Variants in SLC25A21 observed in about 807,000 individuals in gnomAD.
SLC25A21 encodes solute carrier family 25 member 21, also known as mitochondrial 2-oxodicarboxylate carrier.
SLC25A21 carries 47 observed loss-of-function variants against 43.8 expected under a neutral mutation model. The ratio of observed to expected loss-of-function variants is 1.07; its 90% CI spans 0.85 to 1.37. The LOEUF (loss-of-function observed/expected upper bound fraction) is 1.37. Ranked by LOEUF, SLC25A21 falls within the 40% of genes most tolerant of loss-of-function variation. The pLI is 0.00. For synonymous variants in SLC25A21, 131 were observed against 121.3 expected, an observed-to-expected ratio of 1.08 and a Z score of -0.52; for missense variants, 352 against 350.2, an observed-to-expected ratio of 1.00 and a Z score of -0.04.
intron 1 of SLC25A21, among the ~76,000 whole-genome samples, chr14:36,951,327 TAGAAAG>T (rs975470332): frequency 6.6e-5 from 10 of 150,848 alleles, no homozygotes; most frequent in Middle Eastern, 3.5e-3. Flanking sequence ...TACCTTAAAA[TAGAAAG>T]AGAATGTTAA....
intron 1 of SLC25A21, among the ~76,000 whole-genome samples, chr14:37,130,084 C>CTA (rs1963366882): frequency 4.7e-5 from 1 of 21,198 alleles, no homozygotes; most frequent in East Asian, 1.2e-3. Flanking sequence ...GACCCTGTCT[C>CTA]TACAAAAAAA....
At chr14:36,844,917 G>A (rs978552165) in intron 2 of SLC25A21, among the ~76,000 whole-genome samples, 4 of 152,318 alleles carry the variant, frequency 2.6e-5, no homozygotes, top group African/African-American at 4.8e-5. Context: ...CTCAAGCTGC[G>A]TGGGAAGCCA....
intron 1 of SLC25A21, among the ~76,000 whole-genome samples, chr14:36,935,567 A>T (rs998078546): frequency 6.6e-6 from 1 of 152,130 alleles, no homozygotes; most frequent in Non-Finnish European, 1.5e-5. Flanking sequence ...GATCCACATG[A>T]TCTCCTGATT....
At chr14:36,909,341 T>C (rs1022397967) in intron 1 of SLC25A21, among the ~76,000 whole-genome samples, 1 of 151,950 alleles carries the variant, frequency 6.6e-6, no homozygotes, top group Non-Finnish European at 1.5e-5. Flanking sequence ...GAAGATAAGA[T>C]GCAAAGGACA....
rs183862863 is a variant in SLC25A21, at chr14:37,014,372, A to G, written c.71-139368T>C. ...CTCAATCCTTTGTTGTCATTTCGAC[A>G]ATGTTCACAGTATCTTTTCCAGGAG... On this transcript the variant is annotated intron_variant, in intron 1 of 9. Coordinates refer to ENST00000331299, the MANE Select transcript of SLC25A21 (RefSeq NM_030631.4). Among the ~76,000 whole-genome samples the G allele has an allele frequency of 2.8e-3, 420 of 152,248 alleles. 3 individuals carry two copies. The highest frequency in any genetic ancestry group is 9.3e-3 in the African/African-American group (387 of 41,552).
Position 36,711,429 on chromosome 14 carries a change from TCCCCAG to T in SLC25A21, c.486_491del (p.Trp163_Gly164del). ...TTAATCCTTTGTTGAGGCCCTGGAG[TCCCCAG>T]CCTTCCTTCTTAATGATTTGTCTTG... On this transcript the variant is annotated inframe_deletion, in exon 7 of 10. Transcript: ENST00000331299. 1 of 1,614,036 alleles carries T rather than the reference TCCCCAG, an allele frequency of 6.2e-7. No individual in the cohort carries two copies. The highest frequency in any genetic ancestry group is 8.5e-7 in the Non-Finnish European group (1 of 1,179,970).
chr14:36,972,983 T>C lies in SLC25A21; in HGVS notation c.71-97979A>G, dbSNP rs1959785298. ...AAGTAGCTGGGACTACAGGAACACA[T>C]CACTATGCCTGGCTAATTTTTATTT... On this transcript the variant is annotated intron_variant, in intron 1 of 9. Transcript: ENST00000331299. Among the ~76,000 whole-genome samples the C allele has an allele frequency of 3.3e-5, 5 of 151,868 alleles. 1 individual carries two copies. Among genetic ancestry groups the C allele is most frequent in the Admixed American group, 3.3e-4 (5 of 15,232 alleles).
intron 1 of SLC25A21, among the ~76,000 whole-genome samples, chr14:37,093,103 T>C (rs1210667912): frequency 1.3e-5 from 2 of 152,190 alleles, no homozygotes; most frequent in Non-Finnish European, 2.9e-5. Flanking sequence ...TAATAAACAG[T>C]GTACCACATT....
chr14:36,819,647 A>T (rs1888563496), intron 2 of SLC25A21, among the ~76,000 whole-genome samples: 1 of 152,198 alleles, frequency 6.6e-6, no homozygotes, highest in African/African-American at 2.4e-5. Context: ...CAGTGCCTTT[A>T]TTTCCAAAGT....
chr14:36,688,028 C>T (rs1439153136), intron 7 of SLC25A21, among the ~76,000 whole-genome samples: 2 of 152,200 alleles, frequency 1.3e-5, no homozygotes, highest in East Asian at 3.9e-4. Context: ...TTTCTAGCTT[C>T]CACTTCTACA....
At chr14:37,146,761 G>C (rs1963673154) in intron 1 of SLC25A21, among the ~76,000 whole-genome samples, 1 of 151,972 alleles carries the variant, frequency 6.6e-6, no homozygotes, top group Non-Finnish European at 1.5e-5. Context: ...TTAATATGTA[G>C]CTATTTTCTC....
chr14:36,880,508 G>A (rs1353309173), intron 1 of SLC25A21, among the ~76,000 whole-genome samples: 1 of 152,146 alleles, frequency 6.6e-6, no homozygotes. Context: ...CACGAGGACA[G>A]AGACTCCATC....
chr14:36,929,595 G>T (rs539328297), intron 1 of SLC25A21, among the ~76,000 whole-genome samples: 1 of 152,128 alleles, frequency 6.6e-6, no homozygotes, highest in East Asian at 1.9e-4. Context: ...GAAGTAGCAG[G>T]CTTGGCGATA....
intron 2 of SLC25A21, among the ~76,000 whole-genome samples, chr14:36,860,247 T>A (rs1385661774): frequency 5.3e-5 from 8 of 151,868 alleles, no homozygotes; most frequent in African/African-American, 1.9e-4. Flanking sequence ...AAGAAGCCAG[T>A]CACTCCAGGA....
At chr14:36,827,574 G>A (rs1888878559) in intron 2 of SLC25A21, among the ~76,000 whole-genome samples, 2 of 152,142 alleles carry the variant, frequency 1.3e-5, no homozygotes, top group Non-Finnish European at 2.9e-5. Context: ...AATAAGGCAA[G>A]GGAAGAAATG....
At chr14:37,040,656 A>G (rs147784346) in intron 1 of SLC25A21, among the ~76,000 whole-genome samples, 97 of 152,136 alleles carry the variant, frequency 6.4e-4, no homozygotes, top group Admixed American at 1.2e-3. Context: ...TTAGAAGAAT[A>G]CAAGACCAGA....
chr14:36,768,745 A>C (rs1257804596), intron 3 of SLC25A21, among the ~76,000 whole-genome samples: 2 of 152,246 alleles, frequency 1.3e-5, no homozygotes, highest in East Asian at 3.9e-4. Flanking sequence ...TTTAGAAGAG[A>C]AAATGAGTTA....
intron 1 of SLC25A21, among the ~76,000 whole-genome samples, chr14:37,118,993 TAAG>T (rs1343636810): frequency 1.3e-5 from 2 of 152,078 alleles, no homozygotes; most frequent in Non-Finnish European, 2.9e-5. Context: ...AGCATGCAGT[TAAG>T]AAGCTGGCCA....
At chr14:36,715,389 A>G (rs2139195435) in intron 6 of SLC25A21, among the ~76,000 whole-genome samples, 1 of 152,366 alleles carries the variant, frequency 6.6e-6, no homozygotes, top group Admixed American at 6.5e-5. Context: ...CTGTAAACAC[A>G]TGGAATTTTA....
Sources: gnomAD v4.1 joint callset for allele counts (sites outside exome capture counted in the v4.1 genomes callset) on GRCh38, gnomAD v4.1.1 for gene constraint, MANE v1.5 for transcripts, NCBI Gene and HGNC (gene_info 2026-07-23, HGNC 2026-07-21) for gene names.